The following UBAC2 variants were observed in gnomAD, a reference collection of about 807,000 sequenced individuals.
The protein encoded by UBAC2 is UBA domain containing 2.
A neutral mutation model predicts 44.0 loss-of-function variants in UBAC2; 26 were observed. The observed-to-expected ratio is 0.59, with a 90% CI of 0.43 to 0.82. UBAC2 has a LOEUF of 0.82. UBAC2 is among the 40% of genes least tolerant of loss of function. The pLI, the probability that UBAC2 is intolerant of heterozygous loss-of-function variation, is 0.00. For missense variants in UBAC2, 329 were observed against 419.4 expected (o/e 0.78, Z 1.88); for synonymous variants, 155 against 154.3 (o/e 1.00, Z -0.04).
At chr13:99,247,061 C>T (rs564050611) in intron 4 of UBAC2, among the ~76,000 whole-genome samples, 22 of 152,262 alleles carry the variant, frequency 1.4e-4, no homozygotes, top group African/African-American at 4.8e-4. Context: ...GTCTTGAATT[C>T]CTGGGCTCAA....
intron 4 of UBAC2, among the ~76,000 whole-genome samples, chr13:99,256,062 AT>A (rs1249059606): frequency 1.3e-5 from 2 of 152,242 alleles, no homozygotes; most frequent in African/African-American, 4.8e-5. Flanking sequence ...ATTCACAGTA[AT>A]TCTCATTTGA....
intron 1 of UBAC2, chr13:99,201,556 G>A: frequency 1.2e-6 from 2 of 1,614,056 alleles, no homozygotes; most frequent in Non-Finnish European, 1.7e-6. Flanking sequence ...GCGTGTTAGC[G>A]GTGGTCAGCA....
intron 1 of UBAC2, chr13:99,215,605 C>A: frequency 7.6e-7 from 1 of 1,323,192 alleles, no homozygotes; most frequent in Non-Finnish European, 1.1e-6. Flanking sequence ...CTGTACACAG[C>A]GGCAGTTGCA....
intron 6 of UBAC2, among the ~76,000 whole-genome samples, chr13:99,328,961 G>C (rs2044677151): frequency 6.6e-6 from 1 of 152,138 alleles, no homozygotes; most frequent in South Asian, 2.1e-4. Context: ...TTACATTTAG[G>C]TCTGTGATCC....
At chr13:99,335,331 G>T (rs987921516) in intron 6 of UBAC2, among the ~76,000 whole-genome samples, 2 of 151,110 alleles carry the variant, frequency 1.3e-5, no homozygotes, top group African/African-American at 4.9e-5. Flanking sequence ...TTTTATATCA[G>T]ATCTTCAGAA....
At chr13:99,332,411 G>A (rs1220397223) in intron 6 of UBAC2, among the ~76,000 whole-genome samples, 6 of 152,176 alleles carry the variant, frequency 3.9e-5, no homozygotes, top group East Asian at 1.9e-4. Flanking sequence ...CTGAAGAACC[G>A]TGTAATTGAC....
intron 4 of UBAC2, among the ~76,000 whole-genome samples, chr13:99,302,504 A>G (rs781225119): frequency 6.6e-6 from 1 of 152,204 alleles, no homozygotes; most frequent in Non-Finnish European, 1.5e-5. Flanking sequence ...TTTGATAAGT[A>G]TTTGTCAATT....
intron 1 of UBAC2, among the ~76,000 whole-genome samples, chr13:99,226,828 T>C (rs890598957): frequency 1.3e-4 from 20 of 152,318 alleles, no homozygotes; most frequent in Middle Eastern, 3.4e-3. Flanking sequence ...CCCTCAGATA[T>C]CTGCAAGGCC....
intron 4 of UBAC2, chr13:99,255,174 G>A: frequency 6.2e-7 from 1 of 1,614,130 alleles, no homozygotes. Flanking sequence ...GCGTGATGAT[G>A]ATCCTTATGG....
chr13:99,237,254 GTATATA>G (rs142568689), intron 1 of UBAC2, among the ~76,000 whole-genome samples: 9 of 136,488 alleles, frequency 6.6e-5, no homozygotes, highest in East Asian at 2.3e-4. Context: ...AATTTTATGC[GTATATA>G]TATATATATA....
chr13:99,363,664 C>A (rs886919187), intron 7 of UBAC2, among the ~76,000 whole-genome samples: 1 of 152,204 alleles, frequency 6.6e-6, no homozygotes, highest in African/African-American at 2.4e-5. Context: ...TGCTGACATA[C>A]CATTGTCAGA....
chr13:99,202,932 G>C (rs1368157386), intron 1 of UBAC2, among the ~76,000 whole-genome samples: 2 of 152,156 alleles, frequency 1.3e-5, no homozygotes, highest in Non-Finnish European at 2.9e-5. Flanking sequence ...CAGTTTTCCA[G>C]GACTGGTCAT....
At chr13:99,335,044 G>T (rs1221594231) in intron 6 of UBAC2, among the ~76,000 whole-genome samples, 1 of 152,196 alleles carries the variant, frequency 6.6e-6, no homozygotes, top group East Asian at 1.9e-4. Flanking sequence ...GCTTTGTTAT[G>T]ACGAAAGGGT....
intron 1 of UBAC2, among the ~76,000 whole-genome samples, chr13:99,214,529 GA>G (rs1303051446): frequency 6.6e-6 from 1 of 152,126 alleles, no homozygotes; most frequent in Admixed American, 6.5e-5. Context: ...AGGACTGTGA[GA>G]ACCCCCTGCA....
intron 4 of UBAC2, among the ~76,000 whole-genome samples, chr13:99,284,024 C>A (rs1323628266): frequency 6.6e-6 from 1 of 152,162 alleles, no homozygotes; most frequent in Admixed American, 6.5e-5. Flanking sequence ...TGAGCCACCA[C>A]GCCTGGCCAA....
At chr13:99,377,905 A>T (rs2045501975) in intron 8 of UBAC2, among the ~76,000 whole-genome samples, 1 of 152,140 alleles carries the variant, frequency 6.6e-6, no homozygotes, top group East Asian at 1.9e-4. Flanking sequence ...CACGGGGCCA[A>T]CTCCAAAGCT....
At chr13:99,247,884 T>TTA (rs1555322991) in intron 4 of UBAC2, among the ~76,000 whole-genome samples, 1 of 151,794 alleles carries the variant, frequency 6.6e-6, no homozygotes, top group Non-Finnish European at 1.5e-5. Flanking sequence ...TTTTTTTTTT[T>TTA]ACCTCACCAC....
At chr13:99,248,079 T>G (rs1031442485) in intron 4 of UBAC2, among the ~76,000 whole-genome samples, 1 of 152,196 alleles carries the variant, frequency 6.6e-6, no homozygotes. Flanking sequence ...AGTTACTGCG[T>G]GCAGCTCTTT....
chr13:99,244,895 C>T (rs1200800477), intron 4 of UBAC2, among the ~76,000 whole-genome samples: 1 of 151,744 alleles, frequency 6.6e-6, no homozygotes, highest in Non-Finnish European at 1.5e-5. Context: ...TGCATTGGCA[C>T]GATCTCGGCT....
Sources: allele counts gnomAD v4.1 joint callset (sites outside exome capture counted in the v4.1 genomes callset), GRCh38; gene constraint gnomAD v4.1.1; transcripts MANE v1.5; gene names NCBI Gene and HGNC (gene_info 2026-07-23, HGNC 2026-07-21).